The following AFAP1 variants were observed in gnomAD, a reference collection of about 807,000 sequenced individuals.
AFAP1 encodes actin filament associated protein 1, also known as actin filament-associated protein 1.
In AFAP1, 75 loss-of-function variants were observed where a neutral mutation model predicts 93.9. The ratio of observed to expected loss-of-function variants is 0.80; its 90% CI spans 0.66 to 0.97. AFAP1 has a LOEUF of 0.97. Ranked by LOEUF, AFAP1 falls within the 50% of genes least tolerant of loss-of-function variation. AFAP1 has a pLI of 0.00. For synonymous variants in AFAP1, 517 were observed against 430.7 expected, an observed-to-expected ratio of 1.20 and a Z score of -2.48; for missense variants, 1,201 against 1,050.8, an observed-to-expected ratio of 1.14 and a Z score of -1.98.
At chr4:7,854,595 G>C (rs1295527822) in intron 4 of AFAP1, among the ~76,000 whole-genome samples, 1 of 152,196 alleles carries the variant, frequency 6.6e-6, no homozygotes, top group Non-Finnish European at 1.5e-5. Flanking sequence ...AACAACTTTG[G>C]GGAAAGGGAG....
At position 7,851,996 on chromosome 4, in the gene AFAP1, T is replaced by C. The variant is rs191632821; in HGVS notation, c.334+3470A>G. ...AATCAAGTACACAATAATGGGTCTG[T>C]GCTCAGGAAATTCACTGATCTTGCC... On this transcript the variant is annotated intron_variant, in intron 4 of 17. Transcript: ENST00000420658. 5.7e-4 allele frequency among the ~76,000 whole-genome samples: 87 copies of C among 152,342 alleles called. 2 individuals are homozygous for C. Among genetic ancestry groups the C allele is most frequent in the Admixed American group, 8.5e-4 (13 of 15,298 alleles).
At chr4:7,778,904 A>C in intron 13 of AFAP1, 28 bp from the exon 14 acceptor site, 1 of 1,475,068 alleles carries the variant, frequency 6.8e-7, no homozygotes, top group Non-Finnish European at 9.3e-7. Flanking sequence ...TAAGAACATT[A>C]AAAATAAACA....
intron 16 of AFAP1, among the ~76,000 whole-genome samples, chr4:7,771,828 G>A (rs973225373): frequency 1.3e-5 from 2 of 152,136 alleles, no homozygotes; most frequent in Non-Finnish European, 2.9e-5. Flanking sequence ...GGTTGGAGGT[G>A]ATCGCTGGGG....
intron 3 of AFAP1, among the ~76,000 whole-genome samples, chr4:7,861,512 C>T (rs796242755): frequency 7.9e-4 from 121 of 152,366 alleles, no homozygotes; most frequent in African/African-American, 2.7e-3. Context: ...CTGCATTCCA[C>T]ACAGCGCTTG....
intron 1 of AFAP1, among the ~76,000 whole-genome samples, chr4:7,927,682 T>C (rs1241368931): frequency 6.6e-6 from 1 of 152,154 alleles, no homozygotes; most frequent in Non-Finnish European, 1.5e-5. Context: ...GTGTAACATA[T>C]ATGTATATAT....
chr4:7,807,775 G>A (rs1346814952), intron 9 of AFAP1, among the ~76,000 whole-genome samples: 3 of 152,196 alleles, frequency 2.0e-5, no homozygotes, highest in Non-Finnish European at 2.9e-5. Context: ...ATCACACTGT[G>A]AAAGCTGCCG....
chr4:7,762,382 G>C lies in AFAP1; in HGVS notation c.*1383C>G, dbSNP rs1322733729. The C allele has an allele frequency of 6.6e-6, 1 of 152,246 alleles. No individual in the cohort carries two copies. The highest frequency in any genetic ancestry group is 1.9e-4 in the East Asian group (1 of 5,192). The allele number at this position is 152,246 out of a possible 1,614,324, so 9.4% of individuals were successfully genotyped here. A position where few individuals can be genotyped will look rare whatever the true frequency, so the allele number is the denominator to read the frequency against. ...TTCTATGCTTGGGGAAGGGGCGGTTGCTACTGGGACTGGTCTCCATGAATC... is the reference window on the plus strand; with the variant it reads ...TTCTATGCTTGGGGAAGGGGCGGTTCCTACTGGGACTGGTCTCCATGAATC... On this transcript the variant is annotated 3_prime_UTR_variant, in exon 18 of 18. Transcript: ENST00000420658.
chr4:7,885,932 G>C (rs369632065), intron 1 of AFAP1, among the ~76,000 whole-genome samples: 1 of 152,224 alleles, frequency 6.6e-6, no homozygotes, highest in African/African-American at 2.4e-5. Flanking sequence ...CAAAGGAGCT[G>C]TGTTCGAGCA....
intron 1 of AFAP1, among the ~76,000 whole-genome samples, chr4:7,928,112 C>T (rs908062465): frequency 5.9e-5 from 9 of 152,138 alleles, no homozygotes; most frequent in African/African-American, 1.7e-4. Context: ...GCTTCAAAGC[C>T]CAGTGTTCCT....
intron 1 of AFAP1, among the ~76,000 whole-genome samples, chr4:7,895,820 A>G (rs982485047): frequency 4.9e-5 from 7 of 141,758 alleles, no homozygotes; most frequent in African/African-American, 1.8e-4. Flanking sequence ...ACACTTTACC[A>G]CTTCTACATG....
chr4:7,935,934 CTAGTT>C (rs1721352600), intron 1 of AFAP1, among the ~76,000 whole-genome samples: 1 of 152,150 alleles, frequency 6.6e-6, no homozygotes, highest in Non-Finnish European at 1.5e-5. Context: ...GCAGAATTAA[CTAGTT>C]AAGTTTTATT....
intron 4 of AFAP1, 55 bp downstream of exon 4, chr4:7,855,411 G>C (rs1032711031): frequency 6.6e-6 from 9 of 1,372,468 alleles, no homozygotes; most frequent in Non-Finnish European, 9.1e-6. Flanking sequence ...GACAGGCTCT[G>C]CAACAGTCCT....
At chr4:7,914,608 G>A (rs1264216085) in intron 1 of AFAP1, among the ~76,000 whole-genome samples, 1 of 152,116 alleles carries the variant, frequency 6.6e-6, no homozygotes, top group Non-Finnish European at 1.5e-5. Context: ...GTAACACAGA[G>A]GTACAGATGC....
At chr4:7,847,464 C>T (rs1414318741) in intron 4 of AFAP1, among the ~76,000 whole-genome samples, 1 of 152,152 alleles carries the variant, frequency 6.6e-6, no homozygotes, top group African/African-American at 2.4e-5. Flanking sequence ...AGAGAACTCT[C>T]CGGAAAGTAT....
intron 1 of AFAP1, among the ~76,000 whole-genome samples, chr4:7,892,750 C>A (rs147531853): frequency 1.3e-5 from 2 of 152,194 alleles, no homozygotes; most frequent in Non-Finnish European, 2.9e-5. Flanking sequence ...TGGTAACACC[C>A]CAAACTATTC....
chr4:7,813,781 G>A (rs753071591), intron 8 of AFAP1, among the ~76,000 whole-genome samples: 8 of 152,194 alleles, frequency 5.3e-5, no homozygotes, highest in Non-Finnish European at 8.8e-5. Flanking sequence ...AAAAAAGTGG[G>A]TATCGTGACC....
intron 9 of AFAP1, among the ~76,000 whole-genome samples, chr4:7,806,638 T>C (rs1043722927): frequency 6.6e-6 from 1 of 151,994 alleles, no homozygotes; most frequent in Admixed American, 6.6e-5. Context: ...TTTGCAGCTG[T>C]ACTAAAATAA....
intron 3 of AFAP1, among the ~76,000 whole-genome samples, chr4:7,865,658 T>G (rs1486792401): frequency 1.3e-5 from 2 of 152,122 alleles, no homozygotes. Flanking sequence ...AACACAGAAG[T>G]GAATCAATCA....
intron 1 of AFAP1, among the ~76,000 whole-genome samples, chr4:7,930,078 TGAG>T (rs1206965496): frequency 6.6e-6 from 1 of 152,214 alleles, no homozygotes; most frequent in Admixed American, 6.5e-5. Context: ...ACCGGCAAAA[TGAG>T]GACATTATCT....
Sources: gnomAD v4.1 joint callset for allele counts (sites outside exome capture counted in the v4.1 genomes callset) on GRCh38, gnomAD v4.1.1 for gene constraint, MANE v1.5 for transcripts, NCBI Gene and HGNC (gene_info 2026-07-23, HGNC 2026-07-21) for gene names.